Variants in CDKAL1 observed in about 807,000 individuals in gnomAD.
CDKAL1 encodes CDKAL1 threonylcarbamoyladenosine tRNA methylthiotransferase.
CDKAL1 carries 32 observed loss-of-function variants against 68.2 expected under a neutral mutation model. That is an observed-to-expected ratio of 0.47 (90% CI 0.35 to 0.63). CDKAL1 has a LOEUF of 0.63. Among genes scored for constraint, CDKAL1 ranks in the 30% least tolerant of loss-of-function variants. CDKAL1 has a pLI of 0.00. For synonymous variants in CDKAL1, 234 were observed against 244.3 expected (o/e 0.96, Z 0.39); for missense variants, 606 against 696.7 (o/e 0.87, Z 1.47).
chr6:20,876,865 C>T (rs988521772), intron 9 of CDKAL1, among the ~76,000 whole-genome samples: 1 of 152,206 alleles, frequency 6.6e-6, no homozygotes, highest in African/African-American at 2.4e-5. Context: ...CACGTACACA[C>T]AGAGCTACCT....
At chr6:20,915,019 T>A (rs1762656459) in intron 9 of CDKAL1, among the ~76,000 whole-genome samples, 1 of 152,152 alleles carries the variant, frequency 6.6e-6, no homozygotes, top group Non-Finnish European at 1.5e-5. Flanking sequence ...ACTAGCAGAC[T>A]TTAAAATAAG....
intron 13 of CDKAL1, among the ~76,000 whole-genome samples, chr6:21,184,226 G>A (rs1339296239): frequency 1.1e-4 from 16 of 143,350 alleles, no homozygotes; most frequent in South Asian, 2.2e-4. Flanking sequence ...GTGGAGTCTC[G>A]CTCTGTGTCC....
At chr6:21,001,298 C>T (rs1358455749) in intron 11 of CDKAL1, among the ~76,000 whole-genome samples, 7 of 152,120 alleles carry the variant, frequency 4.6e-5, no homozygotes, top group Non-Finnish European at 7.3e-5. Context: ...TGCATGGATA[C>T]GATTGCTTTA....
chr6:21,170,221 G>A (rs902999584), intron 13 of CDKAL1, among the ~76,000 whole-genome samples: 3 of 152,200 alleles, frequency 2.0e-5, no homozygotes, highest in East Asian at 3.8e-4. Flanking sequence ...AGAAGCACTG[G>A]TGGGATGAAT....
chr6:21,065,310 G>T, intron 12 of CDKAL1, 82 bp downstream of exon 12: 1 of 1,093,948 alleles, frequency 9.1e-7, no homozygotes, highest in Non-Finnish European at 1.3e-6. Flanking sequence ...CACACAACTT[G>T]CTCATGTTAT....
At position 20,781,137 on chromosome 6, in the gene CDKAL1, AT is replaced by A. The variant is rs1486757934; in HGVS notation, c.518-5del. On this transcript the variant is annotated splice_polypyrimidine_tract_variant and splice_region_variant and intron_variant, in intron 7 of 15. Transcript: ENST00000274695. ...TTGCTAATGTATATTTATGTGCTTGATTTGAAGGTCACTCTGTGAGACTGCT... is the reference window on the plus strand; with the variant it reads ...TTGCTAATGTATATTTATGTGCTTGATTGAAGGTCACTCTGTGAGACTGCT... 6.2e-7 allele frequency: 1 copy of A among 1,611,964 alleles called. No homozygotes were observed. The highest frequency in any genetic ancestry group is 2.2e-5 in the East Asian group (1 of 44,858).
intron 4 of CDKAL1, among the ~76,000 whole-genome samples, chr6:20,644,954 T>C (rs1768371327): frequency 6.6e-6 from 1 of 152,230 alleles, no homozygotes; most frequent in Non-Finnish European, 1.5e-5. Context: ...CTATGACATA[T>C]CTAGGCCATT....
chr6:21,220,592 C>G (rs1779504463), intron 15 of CDKAL1, among the ~76,000 whole-genome samples: 1 of 152,212 alleles, frequency 6.6e-6, no homozygotes, highest in Admixed American at 6.5e-5. Flanking sequence ...TCTGGTTCTT[C>G]TGTCCTACAC....
chr6:20,806,732 G>A (rs1455085611), intron 8 of CDKAL1, among the ~76,000 whole-genome samples: 1 of 152,090 alleles, frequency 6.6e-6, no homozygotes, highest in Non-Finnish European at 1.5e-5. Context: ...CTATTCAATT[G>A]TTGTTTATTA....
intron 5 of CDKAL1, among the ~76,000 whole-genome samples, chr6:20,721,700 C>T (rs1473306028): frequency 1.4e-5 from 2 of 142,024 alleles, no homozygotes; most frequent in African/African-American, 2.6e-5. Context: ...AGCATTCCTT[C>T]TTCTCTGCAC....
intron 12 of CDKAL1, among the ~76,000 whole-genome samples, chr6:21,071,057 T>A (rs1771745986): frequency 6.6e-6 from 1 of 152,272 alleles, no homozygotes; most frequent in Non-Finnish European, 1.5e-5. Context: ...TAATTTTAGT[T>A]AATGTGTTTT....
intron 11 of CDKAL1, among the ~76,000 whole-genome samples, chr6:21,016,171 C>A (rs987901302): frequency 8.8e-5 from 13 of 148,144 alleles, no homozygotes; most frequent in South Asian, 8.7e-4. Flanking sequence ...TATATATAGA[C>A]CTCATTTAAT....
At chr6:21,059,523 C>T (rs991391947) in intron 11 of CDKAL1, among the ~76,000 whole-genome samples, 4 of 152,176 alleles carry the variant, frequency 2.6e-5, no homozygotes, top group African/African-American at 4.8e-5. Flanking sequence ...AATCACTCAC[C>T]GCCTCCCTTG....
chr6:20,549,989 T>TC, intron 4 of CDKAL1, among the ~76,000 whole-genome samples: 1 of 152,096 alleles, frequency 6.6e-6, no homozygotes, highest in East Asian at 1.9e-4. Flanking sequence ...AATTAAATTT[T>TC]TTTTTTTTAG....
intron 8 of CDKAL1, among the ~76,000 whole-genome samples, chr6:20,838,092 T>G (rs1055888306): frequency 6.6e-6 from 1 of 152,050 alleles, no homozygotes; most frequent in African/African-American, 2.4e-5. Context: ...ACATCTACTT[T>G]ACATAATTTT....
intron 1 of CDKAL1, among the ~76,000 whole-genome samples, chr6:20,534,888 C>T (rs952496989): frequency 1.3e-5 from 2 of 152,148 alleles, no homozygotes; most frequent in African/African-American, 4.8e-5. Flanking sequence ...ACAAGGCTTT[C>T]GCAGTTATAT....
At chr6:21,043,079 A>G (rs1171847100) in intron 11 of CDKAL1, among the ~76,000 whole-genome samples, 1 of 152,208 alleles carries the variant, frequency 6.6e-6, no homozygotes, top group Non-Finnish European at 1.5e-5. Context: ...TAATGTTATT[A>G]TCACTACCAC....
At chr6:20,983,275 A>G (rs531560617) in intron 10 of CDKAL1, among the ~76,000 whole-genome samples, 1 of 152,350 alleles carries the variant, frequency 6.6e-6, no homozygotes, top group Admixed American at 6.5e-5. Context: ...GTAATGTAAT[A>G]AGAGCTAGTT....
At chr6:20,695,684 T>C (rs1398886859) in intron 5 of CDKAL1, among the ~76,000 whole-genome samples, 6 of 152,176 alleles carry the variant, frequency 3.9e-5, no homozygotes, top group African/African-American at 1.4e-4. Flanking sequence ...ATACTCTGGA[T>C]TGTCAGCCAT....
Sources: gnomAD v4.1 joint callset for allele counts (sites outside exome capture counted in the v4.1 genomes callset) on GRCh38, gnomAD v4.1.1 for gene constraint, MANE v1.5 for transcripts, NCBI Gene and HGNC (gene_info 2026-07-23, HGNC 2026-07-21) for gene names.